Variants in PTPA observed in about 807,000 individuals in gnomAD.
The protein encoded by PTPA is serine/threonine-protein phosphatase 2A activator.
A neutral mutation model predicts 43.6 loss-of-function variants in PTPA; 13 were observed. That is an observed-to-expected ratio of 0.30 (90% CI 0.19 to 0.47). PTPA has a LOEUF of 0.47. Among genes scored for constraint, PTPA ranks in the 20% least tolerant of loss-of-function variants. The pLI, the probability that PTPA is intolerant of heterozygous loss-of-function variation, is 0.99. For synonymous variants in PTPA, 172 were observed against 158.2 expected, an observed-to-expected ratio of 1.09 and a Z score of -0.66; for missense variants, 329 against 411.9, an observed-to-expected ratio of 0.80 and a Z score of 1.74.
At chr9:129,138,708 C>T (rs564330810) in intron 8 of PTPA, among the ~76,000 whole-genome samples, 1 of 152,280 alleles carries the variant, frequency 6.6e-6, no homozygotes, top group East Asian at 1.9e-4. Context: ...TCTGAGCCCC[C>T]GACGAGGTGG....
intron 9 of PTPA, among the ~76,000 whole-genome samples, chr9:129,146,498 A>G (rs998615516): frequency 2.4e-4 from 36 of 152,338 alleles, no homozygotes; most frequent in African/African-American, 7.5e-4. Context: ...CTCTGAGGCC[A>G]TAAGTCTTGT....
At chr9:129,118,274 G>A (rs1849025191) in intron 1 of PTPA, among the ~76,000 whole-genome samples, 2 of 151,542 alleles carry the variant, frequency 1.3e-5, no homozygotes, top group African/African-American at 2.4e-5. Flanking sequence ...GGCTGGTTTC[G>A]AACTCCTGAT....
chr9:129,116,273 C>T (rs1848857345), intron 1 of PTPA, among the ~76,000 whole-genome samples: 3 of 151,064 alleles, frequency 2.0e-5, no homozygotes, highest in South Asian at 4.2e-4. Context: ...CAAGCTCTGC[C>T]TCCTGGGTTC....
At chr9:129,142,159 G>A (rs1850904291) in intron 8 of PTPA, 1 of 341,780 alleles carries the variant, frequency 2.9e-6, no homozygotes, top group Admixed American at 4.8e-5. Context: ...GGCTGTGGGA[G>A]AAAGAGGGGT....
intron 3 of PTPA, among the ~76,000 whole-genome samples, chr9:129,124,381 G>T (rs1849445139): frequency 1.3e-5 from 2 of 151,912 alleles, no homozygotes; most frequent in Admixed American, 1.3e-4. Flanking sequence ...AGACTTTTAG[G>T]TTGTCTTGGT....
At chr9:129,123,343 G>A (rs1176898079) in intron 3 of PTPA, among the ~76,000 whole-genome samples, 1 of 152,022 alleles carries the variant, frequency 6.6e-6, no homozygotes, top group Admixed American at 6.5e-5. Context: ...GTGGTGACGG[G>A]CGCCTGTAGT....
Position 129,147,546 on chromosome 9 carries a change from C to T in PTPA, c.*82C>T. 1.4e-6 allele frequency: 2 copies of T among 1,411,900 alleles called. No individual in the cohort carries two copies. The highest frequency in any genetic ancestry group is 2.0e-6 in the Non-Finnish European group (2 of 1,014,096). 87.5% of individuals were successfully genotyped at this position (1,411,900 alleles called of 1,614,324 possible). A position where few individuals can be genotyped will look rare whatever the true frequency, so the allele number is the denominator to read the frequency against. On this transcript the variant is annotated 3_prime_UTR_variant, in exon 10 of 10. Coordinates refer to ENST00000393370, the MANE Select transcript of PTPA (RefSeq NM_178000.3). Reference sequence around the variant, plus strand: ...CCCAGCAGTGGCCCCTCCCCATCCCCTCCCTCTGTTCGTCCCGTTTGATGA... The same window carrying T: ...CCCAGCAGTGGCCCCTCCCCATCCCTTCCCTCTGTTCGTCCCGTTTGATGA...
intron 8 of PTPA, among the ~76,000 whole-genome samples, chr9:129,140,597 C>T (rs1183783283): frequency 6.6e-6 from 1 of 152,236 alleles, no homozygotes; most frequent in Non-Finnish European, 1.5e-5. Flanking sequence ...GCCCATCTGC[C>T]TGCCTTTGCC....
chr9:129,127,619 GACAGCC>G (rs1268935507), intron 3 of PTPA, among the ~76,000 whole-genome samples: 21 of 152,182 alleles, frequency 1.4e-4, no homozygotes, highest in Non-Finnish European at 5.9e-5. Context: ...GGGTTGGATA[GACAGCC>G]ACCCGATTTC....
At position 129,119,346 on chromosome 9, in the gene PTPA, T is replaced by C. The variant is rs532902916; in HGVS notation, c.32-1167T>C. Among the ~76,000 whole-genome samples the C allele has an allele frequency of 2.6e-5, 4 of 152,250 alleles. No individual in the cohort carries two copies. The East Asian group carries it at 7.7e-4, about 29-fold the overall frequency. ...ATCCAGAAAGAGAAATCACATATAA[T>C]TTACGTGTCCGTGCTTATTCAGGAG... On this transcript the variant is annotated intron_variant, in intron 1 of 9. Transcript: ENST00000393370.
At chr9:129,126,512 C>T (rs533442182) in intron 3 of PTPA, among the ~76,000 whole-genome samples, 9 of 152,126 alleles carry the variant, frequency 5.9e-5, no homozygotes, top group Admixed American at 5.9e-4. Flanking sequence ...TGCCTGTCCT[C>T]CTCTTATGGG....
intron 9 of PTPA, chr9:129,142,773 AG>A (rs1258710949): frequency 6.5e-7 from 1 of 1,536,268 alleles, no homozygotes. Context: ...GAAAAGCTGC[AG>A]TCCAGCTCTG....
At chr9:129,114,716 ATT>A (rs1271679683) in intron 1 of PTPA, among the ~76,000 whole-genome samples, 1 of 152,138 alleles carries the variant, frequency 6.6e-6, no homozygotes, top group East Asian at 1.9e-4. Context: ...CTGAATGTTG[ATT>A]TTATACTGTG....
In PTPA at chr9:129,136,504, A is replaced by C. The variant is rs779894271; in HGVS notation, c.594A>C (p.Thr198=). Residue 198 remains threonine, a synonymous_variant, in exon 7 of 10, where the codon ACA becomes ACC. Coordinates refer to ENST00000393370, the MANE Select transcript of PTPA (RefSeq NM_178000.3). ...YLEVMRKLQK[T]YRMEPAGSQG... Reference sequence around the variant, plus strand: ...AGGTTATGCGGAAACTCCAGAAAACATACAGGATGGAGCCAGCCGGCAGCC... The same window carrying C: ...AGGTTATGCGGAAACTCCAGAAAACCTACAGGATGGAGCCAGCCGGCAGCC... 3.7e-6 allele frequency: 6 copies of C among 1,613,764 alleles called. No homozygotes were observed. In the African/African-American group the frequency reaches 8.0e-5, roughly 22 times the overall value.
intron 8 of PTPA, chr9:129,139,732 T>A (rs1850631727): frequency 6.6e-6 from 1 of 152,126 alleles, no homozygotes; most frequent in Non-Finnish European, 1.5e-5. Context: ...AGGCAGTGTT[T>A]CCTCTGGAGA....
At chr9:129,121,553 G>A (rs926772760) in intron 2 of PTPA, among the ~76,000 whole-genome samples, 2 of 152,136 alleles carry the variant, frequency 1.3e-5, no homozygotes, top group African/African-American at 4.8e-5. Context: ...GCTTTACCTC[G>A]GGGCATCTCA....
At chr9:129,127,620 A>G (rs1488716441) in intron 3 of PTPA, among the ~76,000 whole-genome samples, 1 of 152,162 alleles carries the variant, frequency 6.6e-6, no homozygotes, top group Non-Finnish European at 1.5e-5. Flanking sequence ...GGTTGGATAG[A>G]CAGCCACCCG....
chr9:129,113,240 C>T (rs546263264), intron 1 of PTPA, among the ~76,000 whole-genome samples: 6 of 151,822 alleles, frequency 4.0e-5, no homozygotes, highest in Non-Finnish European at 7.4e-5. Context: ...ACTACAGGTG[C>T]GCCACCATGC....
At chr9:129,133,676 ATCATGTGT>A (rs1214363247) in intron 5 of PTPA, among the ~76,000 whole-genome samples, 4 of 152,140 alleles carry the variant, frequency 2.6e-5, no homozygotes, top group African/African-American at 9.7e-5. Flanking sequence ...CTGTAATCTG[ATCATGTGT>A]TCCCTGCTTA....
Sources: gnomAD v4.1 joint callset for allele counts (sites outside exome capture counted in the v4.1 genomes callset) on GRCh38, gnomAD v4.1.1 for gene constraint, MANE v1.5 for transcripts, NCBI Gene and HGNC (gene_info 2026-07-23, HGNC 2026-07-21) for gene names.